KCMF1: variants seen among roughly 807,000 people sequenced by gnomAD.
KCMF1 encodes the protein potassium channel modulatory factor 1.
A neutral mutation model predicts 41.1 loss-of-function variants in KCMF1; 3 were observed. That is an observed-to-expected ratio of 0.07 (90% CI 0.03 to 0.19). KCMF1 has a LOEUF of 0.19. KCMF1 is among the 10% of genes least tolerant of loss of function. The pLI is 1.00. For synonymous variants in KCMF1, 142 were observed against 164.5 expected, an observed-to-expected ratio of 0.86 and a Z score of 1.04; for missense variants, 286 against 488.9, an observed-to-expected ratio of 0.58 and a Z score of 3.91.
chr2:85,001,029 A>G (rs545271537), intron 1 of KCMF1, among the ~76,000 whole-genome samples: 3 of 148,928 alleles, frequency 2.0e-5, no homozygotes, highest in East Asian at 3.9e-4. Context: ...GGGTCTCACT[A>G]TTGCCCAGGC....
At chr2:84,973,565 G>A (rs1287242160) in intron 1 of KCMF1, among the ~76,000 whole-genome samples, 2 of 152,128 alleles carry the variant, frequency 1.3e-5, no homozygotes, top group East Asian at 1.9e-4. Context: ...TATTCGACAA[G>A]TGATTCTCTT....
chr2:85,014,724 CGTGTGT>C (rs72066261), intron 1 of KCMF1, among the ~76,000 whole-genome samples: 106 of 138,302 alleles, frequency 7.7e-4, no homozygotes, highest in Admixed American at 7.9e-4. Flanking sequence ...TGCGTGCGTG[CGTGTGT>C]GTGTGTGTGT....
intron 1 of KCMF1, among the ~76,000 whole-genome samples, chr2:84,978,243 C>A (rs183027442): frequency 6.6e-6 from 1 of 152,178 alleles, no homozygotes; most frequent in Admixed American, 6.5e-5. Flanking sequence ...GTCATCCACC[C>A]GCCTCGGCCT....
intron 1 of KCMF1, among the ~76,000 whole-genome samples, chr2:85,023,598 G>A (rs1185290612): frequency 6.6e-6 from 1 of 152,160 alleles, no homozygotes; most frequent in African/African-American, 2.4e-5. Flanking sequence ...TGGGATTACA[G>A]GCGTGAGCCA....
chr2:85,011,108 T>C (rs912005577), intron 1 of KCMF1, among the ~76,000 whole-genome samples: 1 of 152,196 alleles, frequency 6.6e-6, no homozygotes, highest in African/African-American at 2.4e-5. Context: ...CCCAAAGTGC[T>C]TGGATTACAG....
chr2:85,041,762 T>A (rs992947239), intron 3 of KCMF1, among the ~76,000 whole-genome samples: 9,405 of 127,592 alleles, frequency 0.074, 489 homozygotes, highest in East Asian at 0.34. Flanking sequence ...ATTGCTGGTC[T>A]TTTTTTTTTT....
chr2:85,037,928 A>G (rs890738281), intron 3 of KCMF1, among the ~76,000 whole-genome samples: 1 of 152,220 alleles, frequency 6.6e-6, no homozygotes, highest in Non-Finnish European at 1.5e-5. Flanking sequence ...TTCTCACAGG[A>G]GCGCAATCCC....
intron 1 of KCMF1, among the ~76,000 whole-genome samples, chr2:85,006,295 CTTTTTTTT>C (rs1163405427): frequency 1.1e-5 from 1 of 94,210 alleles, no homozygotes; most frequent in African/African-American, 4.5e-5. Context: ...TTCTCATTTT[CTTTTTTTT>C]TTTTTTTTTT....
chr2:85,002,372 T>A (rs185173583), intron 1 of KCMF1, among the ~76,000 whole-genome samples: 70 of 152,340 alleles, frequency 4.6e-4, no homozygotes, highest in Non-Finnish European at 6.2e-4. Flanking sequence ...CATCAGAGAA[T>A]CATCCTTTGA....
At chr2:84,974,970 G>A (rs1574000104) in intron 1 of KCMF1, among the ~76,000 whole-genome samples, 1 of 151,922 alleles carries the variant, frequency 6.6e-6, no homozygotes, top group Non-Finnish European at 1.5e-5. Flanking sequence ...GCCTCCCAAA[G>A]TGGTGGGATT....
chr2:85,021,320 A>AG (rs1674931664), intron 1 of KCMF1, among the ~76,000 whole-genome samples: 1 of 152,146 alleles, frequency 6.6e-6, no homozygotes, highest in Non-Finnish European at 1.5e-5. Flanking sequence ...ATTCTGGGAA[A>AG]GCGATAAAAT....
At chr2:84,990,923 C>T (rs1191997972) in intron 1 of KCMF1, among the ~76,000 whole-genome samples, 1 of 152,132 alleles carries the variant, frequency 6.6e-6, no homozygotes, top group Non-Finnish European at 1.5e-5. Flanking sequence ...GATTTTGATT[C>T]TTGCTCAAAA....
chr2:85,034,800 T>C (rs1675366758), intron 2 of KCMF1, among the ~76,000 whole-genome samples: 1 of 152,098 alleles, frequency 6.6e-6, no homozygotes, highest in South Asian at 2.1e-4. Context: ...TTTTGTATTT[T>C]TAGTAGACAC....
chr2:84,991,123 A>T (rs1674033128), intron 1 of KCMF1, among the ~76,000 whole-genome samples: 1 of 152,156 alleles, frequency 6.6e-6, no homozygotes, highest in Non-Finnish European at 1.5e-5. Context: ...CCTGGCCCAG[A>T]TGTATCTTGA....
chr2:84,996,430 A>ATTTTTTTTTTTTTTTTTTT (rs869089697), intron 1 of KCMF1, among the ~76,000 whole-genome samples: 1 of 124,062 alleles, frequency 8.1e-6, no homozygotes, highest in African/African-American at 3.3e-5. Context: ...ATAACCTAAG[A>ATTTTTTTTTTTTTTTTTTT]TTTTTTTTTT....
intron 1 of KCMF1, among the ~76,000 whole-genome samples, chr2:85,011,411 T>C (rs943554955): frequency 2.0e-5 from 3 of 152,222 alleles, no homozygotes; most frequent in Non-Finnish European, 2.9e-5. Flanking sequence ...GGTGTACTTA[T>C]TGTATCACTG....
chr2:85,055,669 A>G lies in KCMF1; in HGVS notation c.*2260A>G, dbSNP rs2104076031. 6.6e-6 allele frequency: 1 copy of G among 152,324 alleles called. No individual in the cohort carries two copies. The highest frequency in any genetic ancestry group is 1.9e-4 in the East Asian group (1 of 5,190). The allele number at this position is 152,324 out of a possible 1,614,324, so 9.4% of individuals were successfully genotyped here. A position where few individuals can be genotyped will look rare whatever the true frequency, so the allele number is the denominator to read the frequency against. ...ATTATTTTAGGGTAGAACGACACAG[A>G]ATATCAATATAAAAATATATTCAAG... On this transcript the variant is annotated 3_prime_UTR_variant, in exon 7 of 7. Coordinates refer to ENST00000409785, the MANE Select transcript of KCMF1 (RefSeq NM_020122.5).
intron 1 of KCMF1, among the ~76,000 whole-genome samples, chr2:84,987,612 T>C (rs1416356670): frequency 6.6e-6 from 1 of 152,062 alleles, no homozygotes; most frequent in Non-Finnish European, 1.5e-5. Context: ...GAATTTAAGG[T>C]GATGGTAGGC....
intron 4 of KCMF1, 29 bp from the exon 5 acceptor site, chr2:85,046,075 T>C: frequency 6.3e-7 from 1 of 1,576,408 alleles, no homozygotes; most frequent in South Asian, 1.2e-5. Context: ...TGTGAAATAC[T>C]TTCGTTTTTT....
Sources: allele counts gnomAD v4.1 joint callset (sites outside exome capture counted in the v4.1 genomes callset), GRCh38; gene constraint gnomAD v4.1.1; transcripts MANE v1.5; gene names NCBI Gene and HGNC (gene_info 2026-07-23, HGNC 2026-07-21).